Variants in GNAT3 observed in about 807,000 individuals in gnomAD.
GNAT3 encodes G protein subunit alpha transducin 3.
Under a neutral mutation model 37.7 loss-of-function variants are expected in GNAT3, and 31 were observed. That is an observed-to-expected ratio of 0.82 (90% CI 0.62 to 1.11). GNAT3 has a LOEUF of 1.11. Among genes scored for constraint, GNAT3 ranks in the 50% most tolerant of loss-of-function variants. The pLI is 0.00. For synonymous variants in GNAT3, 138 were observed against 139.8 expected (o/e 0.99, Z 0.09); for missense variants, 437 against 412.5 (o/e 1.06, Z -0.51).
chr7:80,508,215 T>C (rs561033336), intron 1 of GNAT3, among the ~76,000 whole-genome samples: 1 of 151,962 alleles, frequency 6.6e-6, no homozygotes, highest in Admixed American at 6.6e-5. Flanking sequence ...AAGCTAATTT[T>C]TTTCCTATGC....
intron 2 of GNAT3, among the ~76,000 whole-genome samples, chr7:80,488,934 A>G (rs1485822468): frequency 6.6e-6 from 1 of 152,158 alleles, no homozygotes; most frequent in Admixed American, 6.5e-5. Flanking sequence ...ATACTTTTTT[A>G]AAATGGGTAA....
At chr7:80,492,052 G>A (rs957134371) in intron 2 of GNAT3, among the ~76,000 whole-genome samples, 5 of 151,902 alleles carry the variant, frequency 3.3e-5, no homozygotes, top group Non-Finnish European at 5.9e-5. Context: ...TTCATGCACC[G>A]GGCACAGTGG....
rs1397296795 is a variant in GNAT3 at position 80,488,628 on chromosome 7, T to G, written c.210A>C (p.Lys70Asn). 1.3e-6 allele frequency: 2 copies of G among 1,589,774 alleles called. No homozygotes were observed. The highest frequency in any genetic ancestry group is 2.3e-5 in the South Asian group (2 of 87,880). Residue 70 changes from lysine to asparagine, a missense_variant, in exon 3 of 8, where the codon AAA becomes AAC. Physicochemically the swap from Lys to Asn is moderately conservative, Grantham distance 94. Transcript: ENST00000398291. ...GYSEQECMEF[K>N]AVIYSNTLQS... is the part of the protein sequence containing the mutation. ...GCAATGTATTACTGTAAATTACTGCTTTGAACTCCATGCATTCTTGCTCAC... is the reference window on the plus strand; with the variant it reads ...GCAATGTATTACTGTAAATTACTGCGTTGAACTCCATGCATTCTTGCTCAC...
intron 1 of GNAT3, among the ~76,000 whole-genome samples, chr7:80,505,125 G>C (rs1342567766): frequency 6.6e-6 from 1 of 152,132 alleles, no homozygotes; most frequent in Non-Finnish European, 1.5e-5. Flanking sequence ...GTTGGGAGAA[G>C]TGTATCAGGA....
chr7:80,491,142 G>C (rs1276474084), intron 2 of GNAT3, among the ~76,000 whole-genome samples: 2 of 152,148 alleles, frequency 1.3e-5, no homozygotes, highest in African/African-American at 4.8e-5. Flanking sequence ...AATTAATCTA[G>C]GTCAGAAATG....
intron 2 of GNAT3, among the ~76,000 whole-genome samples, chr7:80,492,176 CAA>C (rs71079120): frequency 8.6e-4 from 117 of 136,334 alleles, no homozygotes; most frequent in African/African-American, 2.3e-3. Context: ...CTAAAAATAC[CAA>C]AAAAAAAAAA....
chr7:80,460,489 A>G (rs1790030774), intron 7 of GNAT3, among the ~76,000 whole-genome samples: 1 of 152,198 alleles, frequency 6.6e-6, no homozygotes, highest in Non-Finnish European at 1.5e-5. Flanking sequence ...ACGGTGGCTC[A>G]TGCCTGTAAT....
chr7:80,481,115 T>C lies in GNAT3; in HGVS notation c.304-2117A>G, dbSNP rs75179645. ...GTTCTTTGTATAAAAAATAAGGATA[T>C]GTCACTTATTGTTAAAGAGACACTG... On this transcript the variant is annotated intron_variant, in intron 3 of 7. Coordinates refer to ENST00000398291, the MANE Select transcript of GNAT3 (RefSeq NM_001102386.3). Among the ~76,000 whole-genome samples the C allele has an allele frequency of 1.0e-3, 159 of 152,278 alleles. 4 individuals carry two copies. The East Asian group carries it at 0.026, about 25-fold the overall frequency.
intron 5 of GNAT3, among the ~76,000 whole-genome samples, chr7:80,471,813 C>A (rs1044655276): frequency 3.3e-5 from 5 of 152,054 alleles, no homozygotes; most frequent in African/African-American, 1.2e-4. Flanking sequence ...CTCAGTATAG[C>A]CTCCAGTTTT....
At position 80,471,421 on chromosome 7, in the gene GNAT3, T is replaced by C. The variant is rs553782574; in HGVS notation, c.590+2830A>G. Among the ~76,000 whole-genome samples the C allele has an allele frequency of 2.6e-5, 4 of 152,014 alleles. No homozygotes were observed. The East Asian group carries it at 5.9e-4, about 22-fold the overall frequency. On this transcript the variant is annotated intron_variant, in intron 5 of 7. Transcript: ENST00000398291. ...ACTCATAATTTTCAAAATTTTATGA[T>C]TGTTTATATTACTTTGTTCAGAGTG...
chr7:80,497,663 C>G (rs983758295), intron 1 of GNAT3, among the ~76,000 whole-genome samples: 3 of 105,964 alleles, frequency 2.8e-5, no homozygotes, highest in Admixed American at 8.7e-5. Flanking sequence ...TATACATATA[C>G]GTATATACAT....
At chr7:80,500,143 A>T (rs1790806004) in intron 1 of GNAT3, among the ~76,000 whole-genome samples, 1 of 152,016 alleles carries the variant, frequency 6.6e-6, no homozygotes, top group South Asian at 2.1e-4. Flanking sequence ...CAGCACTGAC[A>T]TTCTGCCACC....
At chr7:80,465,465 C>A (rs1790115100) in intron 5 of GNAT3, among the ~76,000 whole-genome samples, 1 of 152,006 alleles carries the variant, frequency 6.6e-6, no homozygotes, top group Non-Finnish European at 1.5e-5. Flanking sequence ...TCAGAGGGAC[C>A]CTTAAGCAAA....
intron 3 of GNAT3, among the ~76,000 whole-genome samples, chr7:80,481,404 C>T (rs1315778200): frequency 2.6e-5 from 4 of 152,062 alleles, no homozygotes; most frequent in Admixed American, 2.6e-4. Flanking sequence ...ATTAGGCCCT[C>T]CTCCCTTTGG....
chr7:80,483,158 A>C (rs1433602967), intron 3 of GNAT3, among the ~76,000 whole-genome samples: 1 of 152,134 alleles, frequency 6.6e-6, no homozygotes, highest in Non-Finnish European at 1.5e-5. Flanking sequence ...CTTGCATGTC[A>C]GGCCCTGCAA....
intron 2 of GNAT3, among the ~76,000 whole-genome samples, chr7:80,490,565 G>A (rs1451516855): frequency 3.3e-5 from 5 of 152,192 alleles, no homozygotes; most frequent in Non-Finnish European, 5.9e-5. Flanking sequence ...GTTATTCCTA[G>A]ATGGTCAAAA....
intron 2 of GNAT3, among the ~76,000 whole-genome samples, chr7:80,493,768 A>ACCTCTTTCCTCCTCCT (rs1790654034): frequency 4.7e-5 from 1 of 21,418 alleles, no homozygotes; most frequent in South Asian, 1.3e-3. Context: ...TTCCTCCTCC[A>ACCTCTTTCCTCCTCCT]CCTCTTTCCT....
At chr7:80,485,358 C>A (rs1436122331) in intron 3 of GNAT3, among the ~76,000 whole-genome samples, 1 of 152,046 alleles carries the variant, frequency 6.6e-6, no homozygotes, top group Non-Finnish European at 1.5e-5. Flanking sequence ...GCTTCAAATG[C>A]ACATTTGTAA....
chr7:80,458,932 C>G, intron 7 of GNAT3, 71 bp from the exon 8 acceptor site: 3 of 1,055,174 alleles, frequency 2.8e-6, no homozygotes, highest in Non-Finnish European at 4.0e-6. Flanking sequence ...TAAATAATAT[C>G]AGCAAATTTT....
Sources: gnomAD v4.1 joint callset for allele counts (sites outside exome capture counted in the v4.1 genomes callset) on GRCh38, gnomAD v4.1.1 for gene constraint, MANE v1.5 for transcripts, NCBI Gene and HGNC (gene_info 2026-07-23, HGNC 2026-07-21) for gene names.